The following GDI2 variants were observed in gnomAD, a reference collection of about 807,000 sequenced individuals.
GDI2 encodes the protein rab GDP dissociation inhibitor beta.
In GDI2, 22 loss-of-function variants were observed where a neutral mutation model predicts 54.2. That is an observed-to-expected ratio of 0.41 (90% CI 0.29 to 0.58). GDI2 has a LOEUF of 0.58. GDI2 is among the 20% of genes least tolerant of loss of function. GDI2 has a pLI of 0.35. For missense variants in GDI2, 422 were observed against 546.0 expected (o/e 0.77, Z 2.26); for synonymous variants, 177 against 182.1 (o/e 0.97, Z 0.23).
chr10:5,772,118 T>A (rs1459927597), intron 7 of GDI2, among the ~76,000 whole-genome samples: 1 of 151,716 alleles, frequency 6.6e-6, no homozygotes, highest in Non-Finnish European at 1.5e-5. Context: ...CCTAAACAAC[T>A]ATTATGCTGA....
intron 8 of GDI2, among the ~76,000 whole-genome samples, chr10:5,767,474 T>C (rs1481661533): frequency 6.6e-6 from 1 of 152,124 alleles, no homozygotes. Context: ...CCACCACACC[T>C]AGCCATTTTT....
intron 6 of GDI2, among the ~76,000 whole-genome samples, chr10:5,778,383 T>C (rs1163653062): frequency 6.6e-6 from 1 of 152,260 alleles, no homozygotes; most frequent in Admixed American, 6.5e-5. Context: ...TGCCTTGTAA[T>C]TGAAACATGC....
intron 1 of GDI2, among the ~76,000 whole-genome samples, chr10:5,806,197 T>G (rs1035129597): frequency 2.6e-5 from 4 of 152,222 alleles, no homozygotes; most frequent in South Asian, 4.1e-4. Context: ...TGTTGCCTTT[T>G]TAATTTTAGC....
chr10:5,806,256 G>A lies in GDI2; in HGVS notation c.46-5551C>T, dbSNP rs146512238. On this transcript the variant is annotated intron_variant, in intron 1 of 10. Transcript: ENST00000380191. ...ATTTGCATTTCCTGAGGACAAATAAGGTTGAACACTTTTTAAATAGTTGAT... is the reference window on the plus strand; with the variant it reads ...ATTTGCATTTCCTGAGGACAAATAAAGTTGAACACTTTTTAAATAGTTGAT... Among the ~76,000 whole-genome samples the A allele has an allele frequency of 2.4e-3, 365 of 152,074 alleles. 1 individual carries two copies. The highest frequency in any genetic ancestry group is 3.8e-3 in the Non-Finnish European group (261 of 68,002).
chr10:5,812,119 C>A (rs1336911570), intron 1 of GDI2, among the ~76,000 whole-genome samples: 6 of 151,412 alleles, frequency 4.0e-5, no homozygotes, highest in Admixed American at 3.9e-4. Context: ...GATCAAGCAG[C>A]CCAAAGTTAG....
chr10:5,774,835 G>A lies in GDI2; in HGVS notation c.720-894C>T, dbSNP rs1840582026. Among the ~76,000 whole-genome samples, 1 of 152,100 alleles carries A rather than the reference G, an allele frequency of 6.6e-6. No individual in the cohort carries two copies. Among genetic ancestry groups the A allele is most frequent in the South Asian group, 2.1e-4 (1 of 4,822 alleles). On this transcript the variant is annotated intron_variant, in intron 6 of 10. Coordinates refer to ENST00000380191, the MANE Select transcript of GDI2 (RefSeq NM_001494.4). This position sits in a 1 kb window ranked among gnomAD's most constrained non-coding sequence, Gnocchi z 4.8. ...TGTTCTAAAATGGCCTTGTGCAGTCGCGGGACTATCCACATCAGAGGCAAA... is the reference window on the plus strand; with the variant it reads ...TGTTCTAAAATGGCCTTGTGCAGTCACGGGACTATCCACATCAGAGGCAAA...
At chr10:5,806,191 G>A (rs1317182255) in intron 1 of GDI2, among the ~76,000 whole-genome samples, 1 of 152,128 alleles carries the variant, frequency 6.6e-6, no homozygotes, top group Non-Finnish European at 1.5e-5. Context: ...TTACACTGTT[G>A]CCTTTTTAAT....
Position 5,774,065 on chromosome 10 carries a change from C to A in GDI2, c.720-124G>T. ...GTTCAATTTCCTTCTAGAAAGATGT[C>A]AGCTTAGAAGTGATTAAAGCAAGAA... On this transcript the variant is annotated intron_variant, in intron 6 of 10. Transcript: ENST00000380191. The surrounding 1 kb of genome is among the most constrained non-coding windows in gnomAD (Gnocchi z 4.8). 1 of 554,618 alleles carries A rather than the reference C, an allele frequency of 1.8e-6. No homozygotes were observed. Among genetic ancestry groups the A allele is most frequent in the South Asian group, 2.6e-5 (1 of 38,532 alleles). The allele number at this position is 554,618 out of a possible 1,614,324, so 34.4% of individuals were successfully genotyped here.
intron 4 of GDI2, among the ~76,000 whole-genome samples, chr10:5,792,422 A>T (rs993977626): frequency 6.6e-6 from 1 of 152,172 alleles, no homozygotes; most frequent in African/African-American, 2.4e-5. Context: ...TAAAATTATA[A>T]AACAACTGGT....
In GDI2 at chr10:5,768,060, G is replaced by A. The variant is rs1194942635; in HGVS notation, c.991+153C>T. Among the ~76,000 whole-genome samples, 16 of 148,496 alleles carry A rather than the reference G, an allele frequency of 1.1e-4. No individual in the cohort carries two copies. Among genetic ancestry groups the A allele is most frequent in the African/African-American group, 3.2e-4 (13 of 40,562 alleles). On this transcript the variant is annotated intron_variant, in intron 8 of 10. Coordinates refer to ENST00000380191, the MANE Select transcript of GDI2 (RefSeq NM_001494.4). This position sits in a 1 kb window ranked among gnomAD's most constrained non-coding sequence, Gnocchi z 4.4. ...CTGTCCGCGTTGACACAATGCTGCC[G>A]GAGCAGGAGGAGGTACAAAGATTTT...
intron 6 of GDI2, among the ~76,000 whole-genome samples, chr10:5,783,063 G>A (rs553611838): frequency 1.3e-5 from 2 of 152,284 alleles, no homozygotes; most frequent in African/African-American, 4.8e-5. Flanking sequence ...AATCTATAGT[G>A]ACAGAAATCA....
In GDI2 at chr10:5,795,006, C is replaced by G; in HGVS notation, c.267G>C (p.Lys89Asn). 6.3e-7 allele frequency: 1 copy of G among 1,586,794 alleles called. No homozygotes were observed. The highest frequency in any genetic ancestry group is 8.6e-7 in the Non-Finnish European group (1 of 1,156,106). Reference sequence around the variant, plus strand: ...GAGTTACCTCTGTATAAAGCAGCATCTTAACCAGCTGACCTAGAAAAGTCA... The same window carrying G: ...GAGTTACCTCTGTATAAAGCAGCATGTTAACCAGCTGACCTAGAAAAGTCA... ...KFLMANGQLV[K>N]MLLYTEVTRY... Residue 89 changes from lysine to asparagine, a missense_variant, in exon 4 of 11, where the codon AAG becomes AAC. By Grantham distance (94) the Lys-to-Asn change is moderately conservative. Coordinates refer to ENST00000380191, the MANE Select transcript of GDI2 (RefSeq NM_001494.4).
intron 8 of GDI2, among the ~76,000 whole-genome samples, chr10:5,767,815 G>C (rs905243457): frequency 2.0e-5 from 3 of 152,188 alleles, no homozygotes; most frequent in Non-Finnish European, 2.9e-5. Context: ...ATGAAAGGTG[G>C]ACACTGCTAG....
chr10:5,796,954 A>T (rs1841159968), intron 2 of GDI2, 92 bp from the exon 3 acceptor site: 3 of 638,704 alleles, frequency 4.7e-6, no homozygotes, highest in Admixed American at 5.1e-5. Context: ...CTTTTAGTAT[A>T]ACTAAACACC....
intron 7 of GDI2, among the ~76,000 whole-genome samples, chr10:5,770,860 G>A (rs373911708): frequency 6.7e-5 from 10 of 150,234 alleles, no homozygotes; most frequent in African/African-American, 2.5e-4. Context: ...CAGCTACTCA[G>A]GAGGTTGAGG....
chr10:5,775,045 T>C (rs1012753100), intron 6 of GDI2, among the ~76,000 whole-genome samples: 2 of 152,206 alleles, frequency 1.3e-5, no homozygotes, highest in South Asian at 2.1e-4. Flanking sequence ...GCCACCACTT[T>C]GGGAAGCCGA....
intron 6 of GDI2, among the ~76,000 whole-genome samples, chr10:5,781,625 CAAA>C (rs34913780): frequency 1.8e-4 from 17 of 97,124 alleles, no homozygotes; most frequent in African/African-American, 2.1e-4. Flanking sequence ...ACTCTGTCTC[CAAA>C]AAAAAAAAAA....
intron 1 of GDI2, among the ~76,000 whole-genome samples, chr10:5,812,795 T>C (rs906163606): frequency 2.6e-5 from 4 of 152,244 alleles, no homozygotes; most frequent in East Asian, 3.9e-4. Flanking sequence ...CGAGGCGGAA[T>C]AGGAAATGCA....
intron 4 of GDI2, among the ~76,000 whole-genome samples, chr10:5,794,172 G>GAAAAAAA (rs1256206663): frequency 1.1e-4 from 3 of 27,964 alleles, no homozygotes; most frequent in African/African-American, 1.3e-4. Context: ...GTCTTTAAAA[G>GAAAAAAA]AAAAAAAAAA....
Sources: allele counts gnomAD v4.1 joint callset (sites outside exome capture counted in the v4.1 genomes callset), GRCh38; gene constraint gnomAD v4.1.1; non-coding constraint Gnocchi (gnomAD v3.1); transcripts MANE v1.5; gene names NCBI Gene and HGNC (gene_info 2026-07-23, HGNC 2026-07-21).